Variants in EYS observed in about 807,000 individuals in gnomAD.
The protein encoded by EYS is EGF-like photoreceptor maintenance factor, also known as protein eyes shut homolog.
Under a neutral mutation model 282.1 loss-of-function variants are expected in EYS, and 250 were observed. The ratio of observed to expected loss-of-function variants is 0.89; its 90% confidence interval spans 0.80 to 0.98. The LOEUF (loss-of-function observed/expected upper bound fraction) is 0.98, where lower values mean the gene tolerates loss of function less well. Ranked by LOEUF, EYS falls within the 50% of genes least tolerant of loss-of-function variation. The pLI is 0.00. For synonymous variants in EYS, 1,355 were observed against 1,282.9 expected, an observed-to-expected ratio of 1.06 and a Z score of -1.20; for missense variants, 4,016 against 3,709.0, an observed-to-expected ratio of 1.08 and a Z score of -2.15.
chr6:65,338,861 T>C (rs1223899287), intron 10 of EYS, among the ~76,000 whole-genome samples: 1 of 151,160 alleles, frequency 6.6e-6, no homozygotes, highest in Non-Finnish European at 1.5e-5. Context: ...GAAATTAACC[T>C]TCCTGAAGGA....
chr6:65,287,354 G>T (rs1768395502), intron 12 of EYS, among the ~76,000 whole-genome samples: 1 of 151,050 alleles, frequency 6.6e-6, no homozygotes, highest in African/African-American at 2.4e-5. Flanking sequence ...ATTTCCCTTG[G>T]GGTCACTTCC....
intron 24 of EYS, among the ~76,000 whole-genome samples, chr6:64,596,238 A>T (rs557885067): frequency 8.1e-6 from 1 of 123,700 alleles, no homozygotes; most frequent in East Asian, 2.3e-4. Context: ...GCAATTTAAC[A>T]TGAGATTTGG....
intron 26 of EYS, among the ~76,000 whole-genome samples, chr6:64,505,848 T>C (rs1777191621): frequency 6.6e-6 from 1 of 152,212 alleles, no homozygotes; most frequent in South Asian, 2.1e-4. Flanking sequence ...AACTTGCTTT[T>C]TGGTACAATA....
chr6:64,301,066 C>T (rs557853185), intron 30 of EYS, among the ~76,000 whole-genome samples: 1 of 152,170 alleles, frequency 6.6e-6, no homozygotes, highest in Non-Finnish European at 1.5e-5. Flanking sequence ...AAAGAATACA[C>T]AGTTAAGAGA....
chr6:65,386,181 CAAA>C (rs71646067), intron 7 of EYS, among the ~76,000 whole-genome samples: 8 of 126,716 alleles, frequency 6.3e-5, no homozygotes, highest in Admixed American at 7.9e-5. Context: ...TTTATTGATC[CAAA>C]AAAAAAAAAA....
intron 31 of EYS, among the ~76,000 whole-genome samples, chr6:64,190,627 T>G (rs944321620): frequency 3.3e-5 from 5 of 152,196 alleles, no homozygotes; most frequent in African/African-American, 9.6e-5. Context: ...AAAGATCTTA[T>G]GGGATTTGAC....
At chr6:64,955,731 T>C (rs532021749) in intron 14 of EYS, among the ~76,000 whole-genome samples, 2 of 152,306 alleles carry the variant, frequency 1.3e-5, no homozygotes, top group South Asian at 4.1e-4. Flanking sequence ...CAGATATGCA[T>C]AGATGCAACG....
At chr6:64,781,264 C>T (rs1773850406) in intron 22 of EYS, among the ~76,000 whole-genome samples, 1 of 151,992 alleles carries the variant, frequency 6.6e-6, no homozygotes, top group Non-Finnish European at 1.5e-5. Context: ...GATAAGCTAG[C>T]CCCACCACAG....
intron 35 of EYS, among the ~76,000 whole-genome samples, chr6:63,884,305 A>G (rs976691476): frequency 2.3e-5 from 3 of 129,534 alleles, no homozygotes; most frequent in Admixed American, 8.0e-5. Flanking sequence ...AAGTAAAAAG[A>G]ATAAAAAAAA....
At chr6:65,078,581 G>T (rs373203617) in intron 12 of EYS, among the ~76,000 whole-genome samples, 7 of 152,192 alleles carry the variant, frequency 4.6e-5, no homozygotes, top group African/African-American at 1.7e-4. Context: ...AATGTAGACT[G>T]GGTAAAAACT....
intron 12 of EYS, among the ~76,000 whole-genome samples, chr6:65,087,530 T>G (rs182809515): frequency 6.6e-6 from 1 of 152,206 alleles, no homozygotes; most frequent in East Asian, 1.9e-4. Context: ...CTTTTCACTC[T>G]TCCTCTTTCA....
intron 26 of EYS, among the ~76,000 whole-genome samples, chr6:64,548,961 G>A (rs747961130): frequency 1.4e-4 from 22 of 152,258 alleles, no homozygotes; most frequent in South Asian, 6.2e-4. Context: ...AAGGAACAGC[G>A]TCTACAGTGC....
intron 26 of EYS, among the ~76,000 whole-genome samples, chr6:64,587,175 T>G (rs1389393280): frequency 6.6e-6 from 1 of 152,052 alleles, no homozygotes; most frequent in Non-Finnish European, 1.5e-5. Flanking sequence ...CGCAAGAGGT[T>G]GCTCAGAGTG....
At chr6:65,321,960 A>T (rs1769487853) in intron 11 of EYS, among the ~76,000 whole-genome samples, 1 of 152,090 alleles carries the variant, frequency 6.6e-6, no homozygotes, top group Non-Finnish European at 1.5e-5. Flanking sequence ...CCTTTTCCTT[A>T]TTTGTGTGGC....
intron 26 of EYS, among the ~76,000 whole-genome samples, chr6:64,464,466 A>G (rs1775853451): frequency 6.6e-6 from 1 of 152,130 alleles, no homozygotes; most frequent in South Asian, 2.1e-4. Flanking sequence ...AAAAAAAGAT[A>G]AAAGGCAGCC....
intron 36 of EYS, 118 bp from the exon 37 acceptor site, chr6:63,806,490 A>G (rs1770912791): frequency 3.5e-6 from 3 of 846,256 alleles, no homozygotes; most frequent in Non-Finnish European, 5.3e-6. Context: ...CATTAATTAT[A>G]CTTTAGTGCC....
At chr6:64,827,566 G>A (rs936238608) in intron 19 of EYS, among the ~76,000 whole-genome samples, 2 of 151,688 alleles carry the variant, frequency 1.3e-5, no homozygotes, top group African/African-American at 4.8e-5. Flanking sequence ...TTACATAATA[G>A]CATGATATTT....
intron 29 of EYS, among the ~76,000 whole-genome samples, chr6:64,346,642 T>C (rs1164946155): frequency 6.6e-6 from 1 of 151,754 alleles, no homozygotes; most frequent in Non-Finnish European, 1.5e-5. Flanking sequence ...ACATGGCACA[T>C]GTATACATAT....
intron 2 of EYS, among the ~76,000 whole-genome samples, chr6:65,626,060 A>G (rs2149804850): frequency 6.6e-6 from 1 of 152,258 alleles, no homozygotes; most frequent in South Asian, 2.1e-4. Context: ...CATGATCTAA[A>G]TCACTGAAGC....
Sources: gnomAD v4.1 joint callset for allele counts (sites outside exome capture counted in the v4.1 genomes callset) on GRCh38, gnomAD v4.1.1 for gene constraint, MANE v1.5 for transcripts, NCBI Gene and HGNC (gene_info 2026-07-23, HGNC 2026-07-21) for gene names.